SOCS5: variants seen among roughly 807,000 people sequenced by gnomAD.
The protein encoded by SOCS5 is CIS-6.
SOCS5 carries 32 observed loss-of-function variants against 42.8 expected under a neutral mutation model. The observed-to-expected ratio is 0.75, with a 90% CI of 0.56 to 1.01. SOCS5 has a LOEUF of 1.01. Among genes scored for constraint, SOCS5 ranks in the 50% least tolerant of loss-of-function variants. SOCS5 has a pLI of 0.00. For synonymous variants in SOCS5, 283 were observed against 229.6 expected, an observed-to-expected ratio of 1.23 and a Z score of -2.10; for missense variants, 627 against 653.0, an observed-to-expected ratio of 0.96 and a Z score of 0.43.
chr2:46,710,016 T>G (rs890819390), intron 1 of SOCS5, among the ~76,000 whole-genome samples: 1 of 152,136 alleles, frequency 6.6e-6, no homozygotes, highest in Non-Finnish European at 1.5e-5. Context: ...TCAGTAAAAG[T>G]TAAGGCAAGG....
intron 1 of SOCS5, among the ~76,000 whole-genome samples, chr2:46,748,489 A>T (rs1258425437): frequency 6.6e-6 from 1 of 151,844 alleles, no homozygotes; most frequent in Non-Finnish European, 1.5e-5. Context: ...GTCTGGACAA[A>T]TTTTCCTTTT....
chr2:46,747,228 T>C (rs1673522382), intron 1 of SOCS5, among the ~76,000 whole-genome samples: 1 of 150,646 alleles, frequency 6.6e-6, no homozygotes, highest in Non-Finnish European at 1.5e-5. Context: ...AGTGGTCTCT[T>C]ACTTTTTTTT....
At chr2:46,757,755 T>C (rs1202739414) in intron 1 of SOCS5, among the ~76,000 whole-genome samples, 4 of 152,146 alleles carry the variant, frequency 2.6e-5, no homozygotes, top group Non-Finnish European at 5.9e-5. Context: ...TAATCCCAGC[T>C]ACTCAGAGGC....
At chr2:46,740,872 C>T (rs533689281) in intron 1 of SOCS5, among the ~76,000 whole-genome samples, 38 of 152,208 alleles carry the variant, frequency 2.5e-4, no homozygotes, top group African/African-American at 7.0e-4. Context: ...TTATCAAATC[C>T]GTGCTTATTA....
At chr2:46,744,921 A>G (rs1357201733) in intron 1 of SOCS5, among the ~76,000 whole-genome samples, 2 of 150,002 alleles carry the variant, frequency 1.3e-5, no homozygotes, top group East Asian at 1.9e-4. Flanking sequence ...CATCCATACT[A>G]GATCTAAGTA....
At chr2:46,724,751 A>ATTTTGTTAAG in intron 1 of SOCS5, among the ~76,000 whole-genome samples, 1 of 151,550 alleles carries the variant, frequency 6.6e-6, no homozygotes, top group East Asian at 1.9e-4. Flanking sequence ...AGTTCTTTTA[A>ATTTTGTTAAG]ATTTGTTAAG....
intron 1 of SOCS5, among the ~76,000 whole-genome samples, chr2:46,711,029 G>A (rs572542915): frequency 2.0e-5 from 3 of 152,306 alleles, no homozygotes; most frequent in African/African-American, 7.2e-5. Context: ...TTTAGTTGTA[G>A]AGTAGTATTC....
intron 1 of SOCS5, among the ~76,000 whole-genome samples, chr2:46,708,014 A>C (rs1339160344): frequency 2.6e-5 from 4 of 152,244 alleles, no homozygotes; most frequent in Non-Finnish European, 4.4e-5. Flanking sequence ...AAAATGAAAA[A>C]TAGAATGGTT....
At chr2:46,738,160 G>A (rs1673294274) in intron 1 of SOCS5, among the ~76,000 whole-genome samples, 1 of 152,164 alleles carries the variant, frequency 6.6e-6, no homozygotes, top group African/African-American at 2.4e-5. Flanking sequence ...AGCAGGGCCT[G>A]ATTATGGGTG....
At position 46,718,256 on chromosome 2, in the gene SOCS5, G is replaced by A. The variant is rs149124907; in HGVS notation, c.-13+18807G>A. 4.7e-4 allele frequency among the ~76,000 whole-genome samples: 71 copies of A among 152,254 alleles called. 1 individual carries two copies. In the East Asian group the frequency reaches 0.013, roughly 28 times the overall value. ...TTCATGTATATTGCCGAGTTTTATA[G>A]TTGTTTACCGAAGATCTAGCCCAAT... On this transcript the variant is annotated intron_variant, in intron 1 of 1. Coordinates refer to ENST00000394861, the MANE Select transcript of SOCS5 (RefSeq NM_144949.3).
At position 46,714,162 on chromosome 2, in the gene SOCS5, A is replaced by G. The variant is rs60078747; in HGVS notation, c.-13+14713A>G. On this transcript the variant is annotated intron_variant, in intron 1 of 1. Coordinates refer to ENST00000394861, the MANE Select transcript of SOCS5 (RefSeq NM_144949.3). ...GTGTTCTATAGATGCCAATTAGGTT[A>G]GTCTGATCTTCTTATATCTTACATC... Among the ~76,000 whole-genome samples, 1,090 of 152,300 alleles carry G rather than the reference A, an allele frequency of 7.2e-3. 22 individuals carry two copies. The East Asian group carries it at 0.084, about 12-fold the overall frequency.
intron 1 of SOCS5, among the ~76,000 whole-genome samples, chr2:46,721,348 T>C (rs1672880588): frequency 1.3e-5 from 2 of 152,314 alleles, no homozygotes; most frequent in South Asian, 4.1e-4. Context: ...TTTTGATCTC[T>C]CTTTTGTATG....
At chr2:46,752,986 G>C (rs981358773) in intron 1 of SOCS5, among the ~76,000 whole-genome samples, 2 of 152,048 alleles carry the variant, frequency 1.3e-5, no homozygotes, top group African/African-American at 4.8e-5. Context: ...TCCTAGTCAG[G>C]TGCTTGCTTG....
chr2:46,704,576 G>A (rs533653123), intron 1 of SOCS5, among the ~76,000 whole-genome samples: 11 of 152,280 alleles, frequency 7.2e-5, no homozygotes, highest in African/African-American at 2.6e-4. Context: ...TTTGTATCAG[G>A]ATGTAATACT....
intron 1 of SOCS5, among the ~76,000 whole-genome samples, chr2:46,716,679 A>AT (rs1306979237): frequency 3.9e-5 from 6 of 151,966 alleles, no homozygotes; most frequent in African/African-American, 1.5e-4. Context: ...GGGCCTCTCT[A>AT]TGTTGCTCAG....
rs765833997 is a variant in SOCS5 at position 46,759,388 on chromosome 2, A to G, written c.858A>G (p.Thr286=). ...CCCCTCCCAATGCACAAATACATAC[A>G]TTTGAAGCTACTGCACAGGTTAATC... ...VDPPPNAQIH[T]FEATAQVNPL... Residue 286 remains threonine (T), a synonymous_variant, in exon 2 of 2, where the codon ACA becomes ACG. Transcript: ENST00000394861. 1 of 1,613,970 alleles carries G rather than the reference A, an allele frequency of 6.2e-7. No individual in the cohort carries two copies. Among genetic ancestry groups the G allele is most frequent in the South Asian group, 1.1e-5 (1 of 91,078 alleles).
At chr2:46,733,185 C>T (rs1013516294) in intron 1 of SOCS5, among the ~76,000 whole-genome samples, 21 of 152,054 alleles carry the variant, frequency 1.4e-4, no homozygotes, top group African/African-American at 4.8e-4. Flanking sequence ...ATCTCCGCCT[C>T]CCGGGTTCAA....
Position 46,758,935 on chromosome 2 carries a change from A to G in SOCS5, c.405A>G (p.Ser135=). ...CCTGTTCTACAAAGACCCAGAGTTC[A>G]TTGGATGCTGATAAAAAGTTTGGTA... ...KHSCSTKTQS[S]LDADKKFGRT... The change falls in exon 2 of 2, where the codon TCA becomes TCG. Residue 135 remains serine (S), a synonymous_variant. Transcript: ENST00000394861. 1.2e-6 allele frequency: 2 copies of G among 1,614,020 alleles called. No individual in the cohort carries two copies. Among genetic ancestry groups the G allele is most frequent in the African/African-American group, 1.3e-5 (1 of 75,068 alleles).
At chr2:46,703,452 C>T (rs1042963703) in intron 1 of SOCS5, among the ~76,000 whole-genome samples, 1 of 151,786 alleles carries the variant, frequency 6.6e-6, no homozygotes, top group African/African-American at 2.4e-5. Flanking sequence ...TATGAAGTTA[C>T]CACAATTTAT....
Sources: gnomAD v4.1 joint callset for allele counts (sites outside exome capture counted in the v4.1 genomes callset) on GRCh38, gnomAD v4.1.1 for gene constraint, MANE v1.5 for transcripts, NCBI Gene and HGNC (gene_info 2026-07-23, HGNC 2026-07-21) for gene names.